The following IL9R variants were observed in gnomAD, a reference collection of about 807,000 sequenced individuals.
IL9R encodes interleukin-9 receptor.
A neutral mutation model predicts 56.3 loss-of-function variants in IL9R; 54 were observed. That is an observed-to-expected ratio of 0.96 (90% CI 0.77 to 1.20). The LOEUF is 1.20. Ranked by LOEUF, IL9R falls within the 50% of genes most tolerant of loss-of-function variation. IL9R has a pLI of 0.00. For missense variants in IL9R, 545 were observed against 629.8 expected, an observed-to-expected ratio of 0.87 and a Z score of 1.44; for synonymous variants, 212 against 250.2, an observed-to-expected ratio of 0.85 and a Z score of 1.44.
rs368880201 is a variant in IL9R, at chrX:156,010,105, C to T, written c.1262C>T (p.Pro421Leu). The T allele has an allele frequency of 4.1e-4, 649 of 1,584,844 alleles. 1 individual carries two copies. The highest frequency in any genetic ancestry group is 4.1e-4 in the Non-Finnish European group (483 of 1,176,988). Residue 421 changes from proline (P) to leucine (L), a missense_variant, in exon 9 of 9, where the codon CCG becomes CTG. This residue lies in a region of IL9R where 114 missense variants were observed against 269.8 expected (regional missense o/e 0.42). Transcript: ENST00000244174. ...EDWAPTSLTR[P>L]APPDSEGSRS... ...TGGGCCCCCACGTCCCTGACTAGGC[C>T]GGCTCCCCCAGACTCAGAGGGCAGC...
intron 1 of IL9R, among the ~76,000 whole-genome samples, 155 bp downstream of exon 1, chrX:155,997,942 T>G (rs3093457): frequency 0.43 from 65,986 of 151,808 alleles, 15,598 homozygotes; most frequent in East Asian, 0.69. Flanking sequence ...CCTGGCCTTG[T>G]GTATCTCTTA....
chrX:155,999,501 C>A (rs940516352), intron 1 of IL9R, among the ~76,000 whole-genome samples: 1 of 152,130 alleles, frequency 6.6e-6, no homozygotes, highest in Admixed American at 6.5e-5. Context: ...CAGACCCCAT[C>A]CCTCCTGCCT....
chrX:156,000,141 A>ATATATAT (rs1556393968), intron 1 of IL9R, among the ~76,000 whole-genome samples: 2 of 134,240 alleles, frequency 1.5e-5, no homozygotes, highest in African/African-American at 6.7e-5. Flanking sequence ...GTCTAAAAAA[A>ATATATAT]AAAAATATAT....
At chrX:156,003,414 A>G (rs2067674519) in intron 2 of IL9R, 35 bp from the exon 3 acceptor site, 1 of 1,460,762 alleles carries the variant, frequency 6.8e-7, no homozygotes, top group African/African-American at 1.4e-5. Flanking sequence ...GGCCTGAAGT[A>G]CTTACCGTGG....
At chrX:156,005,517 C>A in intron 6 of IL9R, 38 bp downstream of exon 6, 2 of 1,566,430 alleles carry the variant, frequency 1.3e-6, no homozygotes, top group Non-Finnish European at 1.8e-6. Context: ...CCAGCGGAGT[C>A]TGGGCTGGGC....
chrX:155,997,742 G>T lies in IL9R; in HGVS notation c.-18G>T, dbSNP rs771355346. On this transcript the variant is annotated 5_prime_UTR_variant, in exon 1 of 9. Coordinates refer to ENST00000244174, the MANE Select transcript of IL9R (RefSeq NM_002186.3). ...GGGTGACAAATCACCTCCAGGTTGG[G>T]GATGCCTCAGACTTGTGATGGGACT... is the stretch of plus-strand genomic sequence containing the variant. 1 of 1,613,490 alleles carries T rather than the reference G, an allele frequency of 6.2e-7. No homozygotes were observed. The highest frequency in any genetic ancestry group is 1.1e-5 in the South Asian group (1 of 91,042).
At position 156,002,952 on chromosome X, in the gene IL9R, G is replaced by A. The variant is rs756958466; in HGVS notation, c.75G>A (p.Trp25Ter). Reference sequence around the variant, plus strand: ...CCCTGAGGCGAGACATGGGCACCTGGCTCCTGGCCTGCATCTGCATCTGCA... The same window carrying A: ...CCCTGAGGCGAGACATGGGCACCTGACTCCTGGCCTGCATCTGCATCTGCA... Reference protein sequence around the residue: ...SEALRRDMGTWLLACICICTC... With the variant: ...SEALRRDMGT Residue 25 changes from tryptophan (W) to a stop codon, truncating the protein, a stop_gained, in exon 2 of 9, where the codon TGG becomes TGA. Transcript: ENST00000244174. LOFTEE classifies it high-confidence loss of function. 6.2e-7 allele frequency: 1 copy of A among 1,613,904 alleles called. No homozygotes were observed. Among genetic ancestry groups the A allele is most frequent in the Non-Finnish European group, 8.5e-7 (1 of 1,179,848 alleles).
chrX:156,008,369 C>A, intron 8 of IL9R, among the ~76,000 whole-genome samples: 1 of 151,504 alleles, frequency 6.6e-6, no homozygotes. Flanking sequence ...CACTGTGGCT[C>A]CAGCTTACTA....
At position 156,004,433 on chromosome X, in the gene IL9R, G is replaced by A. The variant is rs140935809; in HGVS notation, c.447G>A (p.Pro149=). The A allele has an allele frequency of 8.6e-4, 1,395 of 1,613,826 alleles. 16 individuals are homozygous for A. In the Admixed American group the frequency reaches 0.021, roughly 24 times the overall value. The change falls in exon 5 of 9, where the codon CCG becomes CCA. Residue 149 remains proline, a synonymous_variant. Transcript: ENST00000244174. ...ACTCTGTTCCAGTTAAGCTGGACCCGCCCTCTGACTTGCAGAGCAACATCA... is the reference window on the plus strand; with the variant it reads ...ACTCTGTTCCAGTTAAGCTGGACCCACCCTCTGACTTGCAGAGCAACATCA... ...YLPRRHVKLD[P]PSDLQSNISS...
Position 156,000,145 on chromosome X carries a change from A to ATATATAT in IL9R, c.28+2358_28+2359insTATATAT, listed in dbSNP as rs1556394100. Among the ~76,000 whole-genome samples, 926 of 144,226 alleles carry ATATATAT rather than the reference A, an allele frequency of 6.4e-3. 8 individuals carry two copies. Among genetic ancestry groups the ATATATAT allele is most frequent in the African/African-American group, 0.022 (844 of 37,728 alleles). The allele number at this position is 144,226 out of a possible 152,430, so 94.6% of individuals were successfully genotyped here. ...AGCGAGACTCCGTCTAAAAAAAAAA[A>ATATATAT]ATATATATATATATACACACATATA... On this transcript the variant is annotated intron_variant, in intron 1 of 8. Transcript: ENST00000244174.
At position 156,002,096 on chromosome X, in the gene IL9R, C is replaced by G. The variant is rs772538025; in HGVS notation, c.29-810C>G. ...GGTGCTCACGCCTGTAATCCCAACACTTTGGGAGGCCAAGGCAGGTGGATC... is the reference window on the plus strand; with the variant it reads ...GGTGCTCACGCCTGTAATCCCAACAGTTTGGGAGGCCAAGGCAGGTGGATC... On this transcript the variant is annotated intron_variant, in intron 1 of 8. Transcript: ENST00000244174. 3.0e-4 allele frequency among the ~76,000 whole-genome samples: 46 copies of G among 152,072 alleles called. 1 individual carries two copies. Among genetic ancestry groups the G allele is most frequent in the Middle Eastern group, 6.8e-3 (2 of 294 alleles).
chrX:155,999,987 G>C (rs779800360), intron 1 of IL9R, among the ~76,000 whole-genome samples: 1 of 151,872 alleles, frequency 6.6e-6, no homozygotes, highest in African/African-American at 2.4e-5. Context: ...TTAGCCAGGC[G>C]TGGTGACTCA....
At chrX:155,997,851 G>GCC in intron 1 of IL9R, 64 bp downstream of exon 1, 6 of 1,481,612 alleles carry the variant, frequency 4.0e-6, no homozygotes, top group South Asian at 1.1e-5. Flanking sequence ...GGCAGAGAGG[G>GCC]ACATGTGGCC....
chrX:156,005,307 G>T lies in IL9R; in HGVS notation c.609G>T (p.Gly203=). The change falls in exon 6 of 9, where the codon GGG becomes GGT. Residue 203 remains glycine (G), a synonymous_variant. Coordinates refer to ENST00000244174, the MANE Select transcript of IL9R (RefSeq NM_002186.3). ...CCCAGCACAGGGATCACATTGTCGGGGTGACCTGGCTTATACTTGAAGCCT... is the reference window on the plus strand; with the variant it reads ...CCCAGCACAGGGATCACATTGTCGGTGTGACCTGGCTTATACTTGAAGCCT... ...EQAQHRDHIV[G]VTWLILEAFE... 6.2e-7 allele frequency: 1 copy of T among 1,612,056 alleles called. No homozygotes were observed. The highest frequency in any genetic ancestry group is 8.5e-7 in the Non-Finnish European group (1 of 1,179,840).
rs1227576738 is a variant in IL9R at position 156,003,475 on chromosome X, C to T, written c.169C>T (p.Leu57Phe). ...QGPRSRTFTC[L>F]TNNILRIDCH... is the part of the protein sequence containing the mutation. ...GCCAAGGTCTAGAACCTTCACCTGC[C>T]TCACCAACAACATTCTCAGGATCGA... Residue 57 changes from leucine to phenylalanine, a missense_variant, in exon 3 of 9, where the codon CTC (leucine) becomes TTC (phenylalanine). Physicochemically the swap from Leu to Phe is conservative, Grantham distance 22 (BLOSUM62 0). This residue lies in a region of IL9R where 431 missense variants were observed against 360.0 expected (regional missense o/e 1.20). Transcript: ENST00000244174. 1 of 1,611,974 alleles carries T rather than the reference C, an allele frequency of 6.2e-7. No individual in the cohort carries two copies. Among genetic ancestry groups the T allele is most frequent in the East Asian group, 2.2e-5 (1 of 44,874 alleles).
At chrX:156,004,627 C>T in intron 5 of IL9R, 62 bp downstream of exon 5, 2 of 1,521,976 alleles carry the variant, frequency 1.3e-6, no homozygotes, top group African/African-American at 1.4e-5. Context: ...CCAGGGTAGA[C>T]TCCCCACTCT....
intron 1 of IL9R, chrX:156,001,519 C>T: frequency 2.5e-6 from 4 of 1,569,030 alleles, no homozygotes; most frequent in Middle Eastern, 2.3e-4. Context: ...GTGAGGCTTC[C>T]TGATCATCAG....
At chrX:156,009,266 T>TGTCTG (rs2068295603) in intron 8 of IL9R, among the ~76,000 whole-genome samples, 1 of 32,736 alleles carries the variant, frequency 3.1e-5, no homozygotes, top group Non-Finnish European at 6.6e-5. Flanking sequence ...GTGTGTGTGT[T>TGTCTG]TGTGTGTGTA....
At position 156,008,987 on chromosome X, in the gene IL9R, AAGTC is replaced by A. The variant is rs1569478608; in HGVS notation, c.973-828_973-825del. Among the ~76,000 whole-genome samples the A allele has an allele frequency of 1.4e-4, 8 of 55,962 alleles. No homozygotes were observed. In the South Asian group the frequency reaches 2.1e-3, roughly 15 times the overall value. The allele number at this position is 55,962 out of a possible 152,430, so 36.7% of individuals were successfully genotyped here. A position where few individuals can be genotyped will look rare whatever the true frequency, so the allele number is the denominator to read the frequency against. On this transcript the variant is annotated intron_variant, in intron 8 of 8. Transcript: ENST00000244174. ...TATGTGTGTGTGTCTGTGTGTGTTTAAGTCTGTGTGTGTTTGTGTGTGTGTGTCT... is the reference window on the plus strand; with the variant it reads ...TATGTGTGTGTGTCTGTGTGTGTTTATGTGTGTGTTTGTGTGTGTGTGTCT...
Sources: allele counts gnomAD v4.1 joint callset (sites outside exome capture counted in the v4.1 genomes callset), GRCh38; gene constraint gnomAD v4.1.1; regional missense constraint gnomAD v4.1.1; transcripts MANE v1.5; gene names NCBI Gene and HGNC (gene_info 2026-07-23, HGNC 2026-07-21).